Variants in SLC35F4 observed in about 807,000 individuals in gnomAD.
SLC35F4 encodes the protein solute carrier family 35 member F4.
In SLC35F4, 24 loss-of-function variants were observed where a neutral mutation model predicts 44.2. The observed-to-expected ratio is 0.54, with a 90% CI of 0.39 to 0.76. The LOEUF is 0.76. SLC35F4 is among the 30% of genes least tolerant of loss of function. The pLI is 0.00. For missense variants in SLC35F4, 562 were observed against 586.1 expected, an observed-to-expected ratio of 0.96 and a Z score of 0.42; for synonymous variants, 238 against 223.6, an observed-to-expected ratio of 1.06 and a Z score of -0.57.
intron 1 of SLC35F4, among the ~76,000 whole-genome samples, chr14:57,685,806 T>A (rs548484748): frequency 1.3e-5 from 2 of 152,318 alleles, no homozygotes; most frequent in Admixed American, 1.3e-4. Flanking sequence ...TTAGAGACTT[T>A]TCAAAATTTT....
chr14:57,829,600 G>A (rs1030694098), intron 1 of SLC35F4, among the ~76,000 whole-genome samples: 1 of 152,164 alleles, frequency 6.6e-6, no homozygotes, highest in Non-Finnish European at 1.5e-5. Flanking sequence ...AAGTACACAG[G>A]AGAGCACAGC....
chr14:57,580,191 A>G lies in SLC35F4; in HGVS notation c.807+1023T>C, dbSNP rs190883527. The stretch of plus-strand genomic sequence containing the variant: ...TCAGAGCAGCATCTCCCAAGATACA[A>G]TCAGAATTGTCTAACTAACTGTTTT... On this transcript the variant is annotated intron_variant, in intron 4 of 7. Transcript: ENST00000556826. 8.6e-3 allele frequency among the ~76,000 whole-genome samples: 1,311 copies of G among 152,350 alleles called. 17 individuals are homozygous for G. Among genetic ancestry groups the G allele is most frequent in the Admixed American group, 0.011 (161 of 15,294 alleles).
intron 1 of SLC35F4, among the ~76,000 whole-genome samples, chr14:57,747,465 A>G (rs1159996524): frequency 6.6e-6 from 1 of 152,188 alleles, no homozygotes; most frequent in African/African-American, 2.4e-5. Context: ...TTCAAATAGG[A>G]TGCAAGAGTA....
At position 57,646,365 on chromosome 14, in the gene SLC35F4, T is replaced by A. The variant is rs1336519581; in HGVS notation, c.104-52241A>T. Among the ~76,000 whole-genome samples, 6 of 152,236 alleles carry A rather than the reference T, an allele frequency of 3.9e-5. No individual in the cohort carries two copies. The East Asian group carries it at 1.2e-3, about 29-fold the overall frequency. Reference sequence around the variant, plus strand: ...GTTTAGTCTTGGGAGGGTGTATGTATGGAGGAATTTATCCATTTCTTCTAG... The same window carrying A: ...GTTTAGTCTTGGGAGGGTGTATGTAAGGAGGAATTTATCCATTTCTTCTAG... On this transcript the variant is annotated intron_variant, in intron 1 of 7. Transcript: ENST00000556826.
intron 1 of SLC35F4, among the ~76,000 whole-genome samples, chr14:57,839,166 T>TC: frequency 6.6e-6 from 1 of 152,154 alleles, no homozygotes; most frequent in Non-Finnish European, 1.5e-5. Flanking sequence ...TTAGCTGAAT[T>TC]CAAACTCTGG....
chr14:57,565,709 A>T lies in SLC35F4; in HGVS notation c.1216+766T>A, dbSNP rs374746590. On this transcript the variant is annotated intron_variant, in intron 7 of 7. Transcript: ENST00000556826. ...TATTAAATTATTCTGTAGAGTTCCA[A>T]GTTGTTTCATGTAGGTTGGCCTTCT... Among the ~76,000 whole-genome samples, 137 of 151,186 alleles carry T rather than the reference A, an allele frequency of 9.1e-4. 1 individual carries two copies. The highest frequency in any genetic ancestry group is 3.3e-3 in the African/African-American group (136 of 41,420).
chr14:57,813,921 A>G (rs759418440), intron 1 of SLC35F4, among the ~76,000 whole-genome samples: 13 of 152,190 alleles, frequency 8.5e-5, no homozygotes, highest in Non-Finnish European at 1.6e-4. Flanking sequence ...TCACTGTCCA[A>G]TAAATCGTTG....
intron 1 of SLC35F4, among the ~76,000 whole-genome samples, chr14:57,903,675 T>A (rs759261817): frequency 6.6e-6 from 1 of 152,208 alleles, no homozygotes; most frequent in African/African-American, 2.4e-5. Flanking sequence ...TAAGTGTTAG[T>A]CCACTGTCAT....
In SLC35F4 at chr14:57,630,205, A is replaced by G. The variant is rs933274161; in HGVS notation, c.104-36081T>C. On this transcript the variant is annotated intron_variant, in intron 1 of 7. Transcript: ENST00000556826. Reference sequence around the variant, plus strand: ...AATCAGATGAAAGCCAAGGAAGGGAAGAATGTGTACAGTTCTTCATGCTAT... The same window carrying G: ...AATCAGATGAAAGCCAAGGAAGGGAGGAATGTGTACAGTTCTTCATGCTAT... The G allele has an allele frequency of 5.3e-6, 3 of 566,318 alleles. No homozygotes were observed. The African/African-American group carries it at 5.6e-5, about 11-fold the overall frequency. 35.1% of individuals were successfully genotyped at this position (566,318 alleles called of 1,614,324 possible). A position where few individuals can be genotyped will look rare whatever the true frequency, so the allele number is the denominator to read the frequency against.
intron 1 of SLC35F4, among the ~76,000 whole-genome samples, chr14:57,956,980 C>T (rs1222821657): frequency 6.6e-6 from 1 of 152,174 alleles, no homozygotes; most frequent in Admixed American, 6.5e-5. Context: ...ACTATAAAGA[C>T]ACATGCACAT....
At chr14:57,641,589 C>T (rs1376614256) in intron 1 of SLC35F4, among the ~76,000 whole-genome samples, 2 of 151,908 alleles carry the variant, frequency 1.3e-5, no homozygotes, top group African/African-American at 2.4e-5. Context: ...AATGGATAAA[C>T]TGGGAAGTGA....
intron 1 of SLC35F4, chr14:57,630,328 G>A (rs2072706045): frequency 1.7e-6 from 1 of 587,116 alleles, no homozygotes; most frequent in East Asian, 3.1e-5. Flanking sequence ...AGGTCGTATA[G>A]TCCTAGAAAC....
At chr14:57,826,076 A>G (rs1016362487) in intron 1 of SLC35F4, among the ~76,000 whole-genome samples, 1 of 152,316 alleles carries the variant, frequency 6.6e-6, no homozygotes, top group Non-Finnish European at 1.5e-5. Flanking sequence ...AGCAAAAAGA[A>G]CAAAGCTGGA....
chr14:57,634,466 GT>G (rs894412707), intron 1 of SLC35F4, among the ~76,000 whole-genome samples: 1 of 152,096 alleles, frequency 6.6e-6, no homozygotes, highest in Non-Finnish European at 1.5e-5. Context: ...TGGGAGTGAC[GT>G]TTGAACTGAA....
chr14:57,583,039 A>AT (rs2139828686), intron 3 of SLC35F4, among the ~76,000 whole-genome samples: 1 of 152,374 alleles, frequency 6.6e-6, no homozygotes, highest in African/African-American at 2.4e-5. Flanking sequence ...GTTTACTTTC[A>AT]TGTAAGGAGG....
At chr14:57,757,436 G>A (rs1486859129) in intron 1 of SLC35F4, among the ~76,000 whole-genome samples, 1 of 151,798 alleles carries the variant, frequency 6.6e-6, no homozygotes, top group Non-Finnish European at 1.5e-5. Context: ...TCTATGTTCT[G>A]TTTTTCATTT....
intron 1 of SLC35F4, among the ~76,000 whole-genome samples, chr14:57,937,607 AAAGAAAAG>A (rs1242471680): frequency 3.2e-5 from 2 of 62,920 alleles, no homozygotes; most frequent in East Asian, 2.8e-3. Flanking sequence ...AAAGAAAAGA[AAAGAAAAG>A]AAAAGAAAAG....
intron 1 of SLC35F4, among the ~76,000 whole-genome samples, chr14:57,876,439 G>C (rs1480939288): frequency 6.6e-6 from 1 of 152,008 alleles, no homozygotes; most frequent in Non-Finnish European, 1.5e-5. Flanking sequence ...AAAAAAATGA[G>C]AGCGCGAGGG....
At chr14:57,634,654 G>C (rs990201325) in intron 1 of SLC35F4, among the ~76,000 whole-genome samples, 1 of 152,114 alleles carries the variant, frequency 6.6e-6, no homozygotes, top group Non-Finnish European at 1.5e-5. Flanking sequence ...CAGGCCATGG[G>C]ATGAGATTTG....
Sources: gnomAD v4.1 joint callset for allele counts (sites outside exome capture counted in the v4.1 genomes callset) on GRCh38, gnomAD v4.1.1 for gene constraint, MANE v1.5 for transcripts, NCBI Gene and HGNC (gene_info 2026-07-23, HGNC 2026-07-21) for gene names.